The following ZNF503 variants were observed in gnomAD, a reference collection of about 807,000 sequenced individuals.
The protein encoded by ZNF503 is zinc finger protein 503.
In ZNF503, 15 loss-of-function variants were observed where a neutral mutation model predicts 34.4. The observed-to-expected ratio is 0.44, with a 90% CI of 0.29 to 0.67. The LOEUF is 0.67. Ranked by LOEUF, ZNF503 falls within the 30% of genes least tolerant of loss-of-function variation. ZNF503 has a pLI of 0.13. For missense variants in ZNF503, 1,007 were observed against 926.8 expected (o/e 1.09, Z -1.12); for synonymous variants, 580 against 456.8 (o/e 1.27, Z -3.44).
At chr10:75,344,029 G>A in the ZNF503 span, among the ~76,000 whole-genome samples, 1 of 152,218 alleles carries the variant, frequency 6.6e-6, no homozygotes, top group Admixed American at 6.5e-5. Context: ...TATCATGTCT[G>A]GGACTTTGCC....
In ZNF503 at chr10:75,398,905, C is replaced by T. The variant is rs774971067; in HGVS notation, c.1785G>A (p.Ala595=). 1 of 1,557,394 alleles carries T rather than the reference C, an allele frequency of 6.4e-7. No individual in the cohort carries two copies. Among genetic ancestry groups the T allele is most frequent in the Non-Finnish European group, 8.7e-7 (1 of 1,154,926 alleles). Residue 595 remains alanine (A), a synonymous_variant, in exon 2 of 2, where the codon GCG becomes GCA. Transcript: ENST00000372524. ...GTLALRSPHH[A]LGLSSRYHPY... is the part of the protein sequence containing the mutation. ...GGTGGTAGCGGCTGCTGAGTCCCAG[C>T]GCGTGGTGGGGGCTGCGCAGCGCCA...
At position 75,400,051 on chromosome 10, in the gene ZNF503, C is replaced by A; in HGVS notation, c.639G>T (p.Arg213=). Residue 213 remains arginine, a synonymous_variant, in exon 2 of 2, where the codon CGG becomes CGT. Transcript: ENST00000372524. The part of the protein sequence containing the change: ...GGVSSEKSGF[R]VPSATCQPFT... The stretch of plus-strand genomic sequence containing the variant: ...ATGGCTGGCAGGTGGCGCTCGGTAC[C>A]CGGAATCCCGACTTCTCCGACGAAA... The A allele has an allele frequency of 6.3e-7, 1 of 1,589,258 alleles. No individual in the cohort carries two copies. The highest frequency in any genetic ancestry group is 2.3e-5 in the East Asian group (1 of 43,898).
the ZNF503 span, among the ~76,000 whole-genome samples, chr10:75,339,396 CG>C: frequency 6.6e-5 from 10 of 152,070 alleles, no homozygotes; most frequent in Non-Finnish European, 1.2e-4. Flanking sequence ...CCAAAGGCAC[CG>C]GGTCACTTGG....
the ZNF503 span, among the ~76,000 whole-genome samples, chr10:75,300,769 G>A: frequency 6.3e-5 from 9 of 142,570 alleles, no homozygotes; most frequent in African/African-American, 1.1e-4. Flanking sequence ...GCGATGGTGC[G>A]GTCTCGGTTC....
chr10:75,373,193 G>C, the ZNF503 span, among the ~76,000 whole-genome samples: 34 of 152,346 alleles, frequency 2.2e-4, no homozygotes, highest in African/African-American at 7.7e-4. Flanking sequence ...TGGCTGCAGG[G>C]AACTGCTTTG....
the ZNF503 span, among the ~76,000 whole-genome samples, chr10:75,352,975 G>C: frequency 2.6e-5 from 4 of 152,192 alleles, no homozygotes; most frequent in Non-Finnish European, 5.9e-5. Flanking sequence ...TTCTAGAGGA[G>C]CACCCACACA....
the ZNF503 span, among the ~76,000 whole-genome samples, chr10:75,353,869 G>A: frequency 6.6e-6 from 1 of 152,196 alleles, no homozygotes; most frequent in Non-Finnish European, 1.5e-5. Context: ...GAATAAATAA[G>A]CAATAGATGC....
chr10:75,347,163 G>A, the ZNF503 span, among the ~76,000 whole-genome samples: 1 of 152,230 alleles, frequency 6.6e-6, no homozygotes, highest in Non-Finnish European at 1.5e-5. Context: ...CTCCATGTAA[G>A]TGTTAGCAAT....
At chr10:75,376,495 T>C in the ZNF503 span, among the ~76,000 whole-genome samples, 11 of 151,966 alleles carry the variant, frequency 7.2e-5, no homozygotes, top group Non-Finnish European at 1.3e-4. Context: ...AATACAAAAA[T>C]TAGCCAGGTG....
Position 75,401,130 on chromosome 10 carries a change from G to A in ZNF503, c.290C>T (p.Pro97Leu). The part of the protein sequence containing the change: ...ILHPEYLQPL[P>L]STPVSPIELD... ...CTCGATGGGGCTGACCGGCGTGGAA[G>A]GCAGGGGCTGCAGGTACTCGGGGTG... The change falls in exon 1 of 2, where the codon CCT becomes CTT. Residue 97 changes from proline to leucine, a missense_variant. Pro to Leu is a moderately conservative substitution (Grantham distance 98). Coordinates refer to ENST00000372524, the MANE Select transcript of ZNF503 (RefSeq NM_032772.6). The A allele has an allele frequency of 6.2e-7, 1 of 1,613,332 alleles. No homozygotes were observed. The highest frequency in any genetic ancestry group is 8.5e-7 in the Non-Finnish European group (1 of 1,179,704).
chr10:75,294,016 G>T, the ZNF503 span, among the ~76,000 whole-genome samples: 1 of 152,168 alleles, frequency 6.6e-6, no homozygotes, highest in South Asian at 2.1e-4. Context: ...GTGGGGGAAT[G>T]CCCCACCTTC....
At chr10:75,288,159 T>C in the ZNF503 span, among the ~76,000 whole-genome samples, 2 of 152,246 alleles carry the variant, frequency 1.3e-5, no homozygotes, top group Admixed American at 6.5e-5. Context: ...CACAGTTACA[T>C]TGGCAGCAAG....
the ZNF503 span, among the ~76,000 whole-genome samples, chr10:75,326,617 TTTTG>T: frequency 6.6e-6 from 1 of 152,062 alleles, no homozygotes; most frequent in African/African-American, 2.4e-5. Flanking sequence ...CTTCCTTTTT[TTTTG>T]TTTGACTTTT....
chr10:75,357,693 A>G, the ZNF503 span, among the ~76,000 whole-genome samples: 1 of 152,198 alleles, frequency 6.6e-6, no homozygotes, highest in Admixed American at 6.5e-5. Context: ...ATGTTAAGTA[A>G]TTTGCCCAAG....
At chr10:75,366,647 G>T in the ZNF503 span, among the ~76,000 whole-genome samples, 1 of 152,326 alleles carries the variant, frequency 6.6e-6, no homozygotes, top group East Asian at 1.9e-4. Context: ...CAGACACAGT[G>T]CCCCAAGGCC....
At chr10:75,338,206 G>A in the ZNF503 span, 1 of 151,882 alleles carries the variant, frequency 6.6e-6, no homozygotes, top group Non-Finnish European at 1.5e-5. Flanking sequence ...GGCAAATGAT[G>A]CTATATTCCC....
chr10:75,390,196 A>G, the ZNF503 span, among the ~76,000 whole-genome samples: 1 of 150,910 alleles, frequency 6.6e-6, no homozygotes, highest in Non-Finnish European at 1.5e-5. Context: ...TTTTTTTTTT[A>G]ATCAGTAACA....
At chr10:75,305,739 C>T in the ZNF503 span, among the ~76,000 whole-genome samples, 162 of 152,264 alleles carry the variant, frequency 1.1e-3, 1 homozygote, top group Non-Finnish European at 2.0e-3. Context: ...ACTCTAGGTA[C>T]CTCATAGAGG....
In ZNF503 at chr10:75,399,473, T is replaced by G; in HGVS notation, c.1217A>C (p.Lys406Thr). Residue 406 changes from lysine to threonine, a missense_variant, in exon 2 of 2, where the codon AAG becomes ACG. Transcript: ENST00000372524. ...GGCCAAAGGGCTGGAGCCGGCCGGC[T>G]TACTGCAGCCCAGAGACCCGGCCGC... ...AAAAGSLGCSKPAGSSPLAGA... is the reference protein window; with the variant it reads ...AAAAGSLGCSTPAGSSPLAGA... 6.3e-7 allele frequency: 1 copy of G among 1,581,254 alleles called. No homozygotes were observed.
Sources: gnomAD v4.1 joint callset for allele counts (sites outside exome capture counted in the v4.1 genomes callset) on GRCh38, gnomAD v4.1.1 for gene constraint, MANE v1.5 for transcripts, NCBI Gene and HGNC (gene_info 2026-07-23, HGNC 2026-07-21) for gene names.